The following OSBPL1A variants were observed in gnomAD, a reference collection of about 807,000 sequenced individuals.
OSBPL1A encodes the protein oxysterol binding protein like 1A, also known as oxysterol-binding protein-related protein 1.
A neutral mutation model predicts 137.1 loss-of-function variants in OSBPL1A; 80 were observed. That is an observed-to-expected ratio of 0.58 (90% CI 0.49 to 0.70). The LOEUF (loss-of-function observed/expected upper bound fraction) is 0.70, where lower values mean the gene tolerates loss of function less well. Among genes scored for constraint, OSBPL1A ranks in the 30% least tolerant of loss-of-function variants. OSBPL1A has a pLI of 0.00. For synonymous variants in OSBPL1A, 365 were observed against 389.7 expected, an observed-to-expected ratio of 0.94 and a Z score of 0.75; for missense variants, 970 against 1,129.4, an observed-to-expected ratio of 0.86 and a Z score of 2.02.
At chr18:24,283,956 A>ATG (rs1160092367) in intron 14 of OSBPL1A, among the ~76,000 whole-genome samples, 56 of 151,766 alleles carry the variant, frequency 3.7e-4, no homozygotes, top group Non-Finnish European at 7.2e-4. Context: ...ATATATATAT[A>ATG]TGTGTGTGTA....
At chr18:24,239,058 A>G (rs1226957798) in intron 16 of OSBPL1A, among the ~76,000 whole-genome samples, 162 bp downstream of exon 16, 2 of 151,186 alleles carry the variant, frequency 1.3e-5, no homozygotes, top group Non-Finnish European at 2.9e-5. Context: ...ATAACATGAC[A>G]CACAAAAAAT....
At chr18:24,381,502 A>G (rs1218729928) in intron 1 of OSBPL1A, among the ~76,000 whole-genome samples, 4 of 152,158 alleles carry the variant, frequency 2.6e-5, no homozygotes, top group Non-Finnish European at 4.4e-5. Context: ...TTTCAGAGTA[A>G]ATTTCTGGGG....
chr18:24,331,662 C>A (rs2091080872), intron 7 of OSBPL1A, among the ~76,000 whole-genome samples: 1 of 150,822 alleles, frequency 6.6e-6, no homozygotes, highest in African/African-American at 2.5e-5. Context: ...TCCCAAAGTG[C>A]TGGGATTACA....
At chr18:24,343,666 G>A (rs569338926) in intron 4 of OSBPL1A, among the ~76,000 whole-genome samples, 3 of 152,036 alleles carry the variant, frequency 2.0e-5, no homozygotes, top group Non-Finnish European at 2.9e-5. Context: ...ATAAACTCTC[G>A]GATATATGGT....
chr18:24,199,098 A>G (rs2087132065), intron 17 of OSBPL1A, among the ~76,000 whole-genome samples: 2 of 151,944 alleles, frequency 1.3e-5, no homozygotes, highest in African/African-American at 4.8e-5. Flanking sequence ...ACATGCAGTG[A>G]TCCACCCACC....
intron 2 of OSBPL1A, among the ~76,000 whole-genome samples, chr18:24,374,013 G>A (rs866326098): frequency 1.3e-5 from 2 of 152,176 alleles, no homozygotes; most frequent in African/African-American, 4.8e-5. Context: ...AAACATGGGT[G>A]GAGGTGGGAA....
At chr18:24,229,667 C>G (rs932196532) in intron 16 of OSBPL1A, among the ~76,000 whole-genome samples, 2 of 152,168 alleles carry the variant, frequency 1.3e-5, no homozygotes, top group Non-Finnish European at 1.5e-5. Flanking sequence ...CAAAGCCTAT[C>G]CATAGAAGTT....
At chr18:24,251,530 G>C (rs1283338032) in intron 15 of OSBPL1A, among the ~76,000 whole-genome samples, 1 of 152,182 alleles carries the variant, frequency 6.6e-6, no homozygotes, top group Non-Finnish European at 1.5e-5. Context: ...TGCAAATATG[G>C]AGAAACCACA....
Position 24,377,443 on chromosome 18 carries a change from T to C in OSBPL1A, c.91A>G (p.Asn31Asp). ...CAATTAATGTCAGCAATCACTTCAT[T>C]CCTCGCCATGGTCTCTAATAGTTGT... ...VRQLLETMAR[N>D]EVIADINCKG... The change falls in exon 2 of 28, where the codon AAT (asparagine) becomes GAT (aspartate). Residue 31 changes from asparagine (N) to aspartate (D), a missense_variant. This residue lies in a region of OSBPL1A where 647 missense variants were observed against 672.6 expected (regional missense o/e 0.96). Coordinates refer to ENST00000319481, the MANE Select transcript of OSBPL1A (RefSeq NM_080597.4). 6.2e-7 allele frequency: 1 copy of C among 1,610,400 alleles called. No individual in the cohort carries two copies.
chr18:24,354,748 C>CAAAAAAAAA (rs59694707), intron 4 of OSBPL1A, among the ~76,000 whole-genome samples: 103 of 77,016 alleles, frequency 1.3e-3, no homozygotes, highest in Non-Finnish European at 1.8e-3. Flanking sequence ...CTCAATATAG[C>CAAAAAAAAA]AAAAAAAAAA....
At chr18:24,181,323 A>C in intron 18 of OSBPL1A, 44 bp from the exon 19 acceptor site, 2 of 1,591,302 alleles carry the variant, frequency 1.3e-6, no homozygotes, top group Non-Finnish European at 1.7e-6. Context: ...CATATACATA[A>C]CAAACAAACC....
chr18:24,343,510 A>C, intron 4 of OSBPL1A, among the ~76,000 whole-genome samples: 1 of 152,134 alleles, frequency 6.6e-6, no homozygotes, highest in East Asian at 1.9e-4. Context: ...GGACCCCAAA[A>C]AGCCAAAATA....
At chr18:24,369,908 G>A (rs1342075806) in intron 2 of OSBPL1A, among the ~76,000 whole-genome samples, 2 of 152,128 alleles carry the variant, frequency 1.3e-5, no homozygotes, top group East Asian at 1.9e-4. Context: ...AACAGAAGTC[G>A]TGTGAACCTC....
At chr18:24,351,881 A>G (rs1790655) in intron 4 of OSBPL1A, among the ~76,000 whole-genome samples, 7 of 152,192 alleles carry the variant, frequency 4.6e-5, no homozygotes, top group Admixed American at 2.0e-4. Flanking sequence ...TTATACCAAA[A>G]CAAACAAACA....
At chr18:24,281,329 C>T (rs968418977) in intron 14 of OSBPL1A, among the ~76,000 whole-genome samples, 1 of 151,498 alleles carries the variant, frequency 6.6e-6, no homozygotes, top group Non-Finnish European at 1.5e-5. Context: ...CATGATCTGC[C>T]CACCTTGGCC....
At chr18:24,394,910 A>C (rs537684626) in intron 1 of OSBPL1A, among the ~76,000 whole-genome samples, 38 of 152,342 alleles carry the variant, frequency 2.5e-4, no homozygotes, top group Non-Finnish European at 4.6e-4. Context: ...TAATAGCATT[A>C]AAACTATTTC....
At chr18:24,306,018 G>C (rs113189266) in intron 13 of OSBPL1A, among the ~76,000 whole-genome samples, 306 of 152,200 alleles carry the variant, frequency 2.0e-3, no homozygotes, top group African/African-American at 7.1e-3. Flanking sequence ...GCATGAGAAC[G>C]AACTAATACA....
chr18:24,295,754 C>G (rs904124836), intron 14 of OSBPL1A, among the ~76,000 whole-genome samples: 4 of 152,044 alleles, frequency 2.6e-5, no homozygotes, highest in Admixed American at 1.3e-4. Context: ...ATAGGCCGTC[C>G]TTTCCCCAAT....
At chr18:24,340,567 G>T (rs1431075026) in intron 5 of OSBPL1A, among the ~76,000 whole-genome samples, 3 of 152,270 alleles carry the variant, frequency 2.0e-5, no homozygotes, top group Admixed American at 6.5e-5. Flanking sequence ...CACTTTGGGA[G>T]GCCAAGGTGG....
Sources: gnomAD v4.1 joint callset for allele counts (sites outside exome capture counted in the v4.1 genomes callset) on GRCh38, gnomAD v4.1.1 for gene constraint, gnomAD v4.1.1 regional missense constraint, MANE v1.5 for transcripts, NCBI Gene and HGNC (gene_info 2026-07-23, HGNC 2026-07-21) for gene names.